HDDC2: variants seen among roughly 807,000 people sequenced by gnomAD.
HDDC2 encodes 5'-deoxynucleotidase HDDC2.
HDDC2 carries 25 observed loss-of-function variants against 25.5 expected under a neutral mutation model. The ratio of observed to expected loss-of-function variants is 0.98; its 90% CI spans 0.72 to 1.37. HDDC2 has a LOEUF of 1.37. Ranked by LOEUF, HDDC2 falls within the 40% of genes most tolerant of loss-of-function variation. The pLI is 0.00. For synonymous variants in HDDC2, 106 were observed against 89.7 expected (o/e 1.18, Z -1.03); for missense variants, 264 against 253.1 (o/e 1.04, Z -0.29).
chr6:125,288,126 C>T (rs948574736), intron 4 of HDDC2, among the ~76,000 whole-genome samples: 13 of 152,202 alleles, frequency 8.5e-5, no homozygotes, highest in Non-Finnish European at 1.3e-4. Context: ...ATTTGCAAGG[C>T]TTCTAAAAAG....
intron 4 of HDDC2, among the ~76,000 whole-genome samples, chr6:125,292,099 G>A (rs1798640097): frequency 6.6e-6 from 1 of 152,154 alleles, no homozygotes; most frequent in Non-Finnish European, 1.5e-5. Context: ...TGAAGAAGAT[G>A]TGAAAAGTGA....
At chr6:125,280,302 A>G (rs1798438458) in intron 4 of HDDC2, among the ~76,000 whole-genome samples, 1 of 152,204 alleles carries the variant, frequency 6.6e-6, no homozygotes. Flanking sequence ...TTCAAGCACA[A>G]AACTGGGCAG....
At chr6:125,286,032 G>T (rs1798529300) in intron 4 of HDDC2, among the ~76,000 whole-genome samples, 1 of 152,118 alleles carries the variant, frequency 6.6e-6, no homozygotes, top group South Asian at 2.1e-4. Flanking sequence ...AGATATTCAA[G>T]AAAAGAAACT....
intron 4 of HDDC2, among the ~76,000 whole-genome samples, chr6:125,281,841 T>C (rs1436824646): frequency 6.6e-6 from 1 of 151,964 alleles, no homozygotes; most frequent in Admixed American, 6.5e-5. Context: ...ATTCAGGAAA[T>C]ACAGAGAACA....
In HDDC2 at chr6:125,300,582, T is replaced by C. The variant is rs1274434000; in HGVS notation, c.162A>G (p.Ala54=). 1 of 1,614,094 alleles carries C rather than the reference T, an allele frequency of 6.2e-7. No homozygotes were observed. The highest frequency in any genetic ancestry group is 8.5e-7 in the Non-Finnish European group (1 of 1,180,036). Residue 54 remains alanine, a synonymous_variant, in exon 2 of 6, where the codon GCA becomes GCG. Coordinates refer to ENST00000398153, the MANE Select transcript of HDDC2 (RefSeq NM_016063.3). ...ESVSDHMYRM[A]VMAMVIKDDR... is the part of the protein sequence containing the mutation. ...CATCTTTGATCACCATAGCCATAACTGCCATCCGGTACATGTGATCTGAAA... is the reference window on the plus strand; with the variant it reads ...CATCTTTGATCACCATAGCCATAACCGCCATCCGGTACATGTGATCTGAAA...
At chr6:125,284,272 A>G (rs1329282952) in intron 4 of HDDC2, among the ~76,000 whole-genome samples, 3 of 152,220 alleles carry the variant, frequency 2.0e-5, no homozygotes, top group Non-Finnish European at 4.4e-5. Flanking sequence ...TCATGACTAA[A>G]ATACCAAAAG....
In HDDC2 at chr6:125,277,102, C is replaced by T. The variant is rs756671571; in HGVS notation, c.517G>A (p.Gly173Arg). 6.2e-7 allele frequency: 1 copy of T among 1,613,892 alleles called. No individual in the cohort carries two copies. Among genetic ancestry groups the T allele is most frequent in the African/African-American group, 1.3e-5 (1 of 75,010 alleles). ...RLQDFYDSTA[G>R]KFNHPEIVQL... Reference sequence around the variant, plus strand: ...TCTTGTTGAAAATGGTGTTGAGTACCTGCTGTGGAATCATAGAAGTCTTGC... The same window carrying T: ...TCTTGTTGAAAATGGTGTTGAGTACTTGCTGTGGAATCATAGAAGTCTTGC... Residue 173 changes from glycine to arginine, a missense_variant and splice_region_variant, in exon 5 of 6, where the codon GGA becomes AGA. Transcript: ENST00000398153.
At position 125,300,875 on chromosome 6, in the gene HDDC2, A is replaced by C. The variant is rs114060396; in HGVS notation, c.85-216T>G. On this transcript the variant is annotated intron_variant, in intron 1 of 5. Coordinates refer to ENST00000398153, the MANE Select transcript of HDDC2 (RefSeq NM_016063.3). ...TGAAAGGGGTAGAAGACAGAGAGAG[A>C]TAAGTCACAAAGTCCATTCGTCAAA... 5.7e-3 allele frequency among the ~76,000 whole-genome samples: 859 copies of C among 150,186 alleles called. 8 individuals are homozygous for C. Among genetic ancestry groups the C allele is most frequent in the African/African-American group, 0.02 (803 of 39,792 alleles).
chr6:125,288,230 A>C (rs1164842712), intron 4 of HDDC2, among the ~76,000 whole-genome samples: 1 of 152,136 alleles, frequency 6.6e-6, no homozygotes, highest in East Asian at 1.9e-4. Context: ...GACAAGATAG[A>C]TGCTTGAAGA....
intron 5 of HDDC2, chr6:125,276,743 G>A (rs1025796733): frequency 3.4e-6 from 1 of 294,292 alleles, no homozygotes; most frequent in African/African-American, 2.2e-5. Flanking sequence ...GCTGATCTGT[G>A]CTGTCATCCC....
intron 3 of HDDC2, among the ~76,000 whole-genome samples, chr6:125,294,111 C>T (rs3734645): frequency 0.22 from 32,894 of 152,192 alleles, 4,320 homozygotes; most frequent in African/African-American, 0.37. Flanking sequence ...CCACCTTCAT[C>T]CCATACCTTT....
intron 3 of HDDC2, among the ~76,000 whole-genome samples, chr6:125,295,380 T>A (rs1330239951): frequency 6.6e-6 from 1 of 151,946 alleles, no homozygotes; most frequent in African/African-American, 2.4e-5. Context: ...GGCTGAAGAG[T>A]GTAGTAGTCA....
At chr6:125,296,094 G>A (rs73772432) in intron 3 of HDDC2, among the ~76,000 whole-genome samples, 2,904 of 150,100 alleles carry the variant, frequency 0.019, 87 homozygotes, top group African/African-American at 0.068. Context: ...TTGCATTAAC[G>A]GATTCAACCA....
At chr6:125,301,327 G>A (rs1222672415) in intron 1 of HDDC2, among the ~76,000 whole-genome samples, 1 of 152,212 alleles carries the variant, frequency 6.6e-6, no homozygotes, top group South Asian at 2.1e-4. Context: ...GGGTGGCCGG[G>A]AGAAAAGTCT....
At chr6:125,300,002 T>C (rs1798771227) in intron 2 of HDDC2, among the ~76,000 whole-genome samples, 1 of 152,208 alleles carries the variant, frequency 6.6e-6, no homozygotes, top group Non-Finnish European at 1.5e-5. Flanking sequence ...TAACTTACAT[T>C]TCACTTCTTA....
At chr6:125,278,582 A>T (rs1325704772) in intron 4 of HDDC2, 1 of 152,218 alleles carries the variant, frequency 6.6e-6, no homozygotes, top group Admixed American at 6.5e-5. Flanking sequence ...ATAATACTAC[A>T]GACAGAACTC....
chr6:125,291,903 G>A (rs1676684563), intron 4 of HDDC2, among the ~76,000 whole-genome samples: 1 of 152,088 alleles, frequency 6.6e-6, no homozygotes, highest in African/African-American at 2.4e-5. Flanking sequence ...AGTTGTGCAG[G>A]GTTTCAACCC....
chr6:125,297,529 A>G, intron 3 of HDDC2: 1 of 402,254 alleles, frequency 2.5e-6, no homozygotes, highest in African/African-American at 2.0e-5. Flanking sequence ...GTTAGTCTAC[A>G]GGTGTACAGA....
In HDDC2 at chr6:125,276,093, A is replaced by G; in HGVS notation, c.*53T>C. The G allele has an allele frequency of 3.1e-6, 4 of 1,301,324 alleles. No homozygotes were observed. The highest frequency in any genetic ancestry group is 4.4e-6 in the Non-Finnish European group (4 of 899,894). 80.6% of individuals were successfully genotyped at this position (1,301,324 alleles called of 1,614,324 possible). On this transcript the variant is annotated 3_prime_UTR_variant, in exon 6 of 6. Coordinates refer to ENST00000398153, the MANE Select transcript of HDDC2 (RefSeq NM_016063.3). ...ACCAACAATGGCAAAACACAATACA[A>G]TGAAATGGAAAAATAATGTTTGTTA...
Sources: allele counts gnomAD v4.1 joint callset (sites outside exome capture counted in the v4.1 genomes callset), GRCh38; gene constraint gnomAD v4.1.1; transcripts MANE v1.5; gene names NCBI Gene and HGNC (gene_info 2026-07-23, HGNC 2026-07-21).